The following GRXCR1 variants were observed in gnomAD, a reference collection of about 807,000 sequenced individuals.
GRXCR1 encodes the protein glutaredoxin and cysteine rich domain containing 1.
In GRXCR1, 27 loss-of-function variants were observed where a neutral mutation model predicts 27.3. The ratio of observed to expected loss-of-function variants is 0.99; its 90% CI spans 0.73 to 1.37. The LOEUF is 1.37. Among genes scored for constraint, GRXCR1 ranks in the 40% most tolerant of loss-of-function variants. GRXCR1 has a pLI of 0.00. For missense variants in GRXCR1, 379 were observed against 354.4 expected (o/e 1.07, Z -0.56); for synonymous variants, 122 against 131.1 (o/e 0.93, Z 0.47).
chr4:42,948,091 C>T (rs994444442), intron 1 of GRXCR1, among the ~76,000 whole-genome samples: 1 of 152,120 alleles, frequency 6.6e-6, no homozygotes, highest in Non-Finnish European at 1.5e-5. Context: ...TATCTAGATT[C>T]CTTTGTGGAG....
chr4:42,929,301 C>T (rs1747246415), intron 1 of GRXCR1, among the ~76,000 whole-genome samples: 1 of 152,002 alleles, frequency 6.6e-6, no homozygotes, highest in Non-Finnish European at 1.5e-5. Context: ...GCAAATGTCC[C>T]CACACAGGAG....
At chr4:43,021,230 C>G (rs1369875783) in intron 3 of GRXCR1, among the ~76,000 whole-genome samples, 2 of 152,184 alleles carry the variant, frequency 1.3e-5, no homozygotes, top group African/African-American at 4.8e-5. Flanking sequence ...TTTCTTACTA[C>G]TATCCCTTTG....
intron 2 of GRXCR1, among the ~76,000 whole-genome samples, chr4:43,015,376 G>A (rs1712899296): frequency 6.6e-6 from 1 of 152,124 alleles, no homozygotes; most frequent in South Asian, 2.1e-4. Context: ...GAGGGAAAAG[G>A]AGCCTGGTTT....
chr4:42,994,282 T>C (rs1712075515), intron 2 of GRXCR1, among the ~76,000 whole-genome samples: 1 of 152,130 alleles, frequency 6.6e-6, no homozygotes, highest in Admixed American at 6.5e-5. Context: ...TCTTTCAAAG[T>C]CTCTCATTGA....
intron 1 of GRXCR1, among the ~76,000 whole-genome samples, chr4:42,897,284 G>C (rs1746367069): frequency 6.6e-6 from 1 of 152,018 alleles, no homozygotes; most frequent in Non-Finnish European, 1.5e-5. Context: ...ATTCTTATGA[G>C]ATTACATTTC....
chr4:42,914,046 T>G (rs1043807544), intron 1 of GRXCR1, among the ~76,000 whole-genome samples: 1 of 152,188 alleles, frequency 6.6e-6, no homozygotes, highest in African/African-American at 2.4e-5. Flanking sequence ...GGCAGAAGTT[T>G]GCTACAGGTG....
chr4:42,916,757 G>A (rs748737655), intron 1 of GRXCR1, among the ~76,000 whole-genome samples: 2 of 151,902 alleles, frequency 1.3e-5, no homozygotes, highest in Non-Finnish European at 2.9e-5. Flanking sequence ...TAATTTGTTG[G>A]GAGATACTTT....
intron 1 of GRXCR1, among the ~76,000 whole-genome samples, chr4:42,921,578 A>G (rs1747011808): frequency 6.6e-6 from 1 of 152,076 alleles, no homozygotes; most frequent in East Asian, 1.9e-4. Context: ...ATACCTGAGT[A>G]TATGTACTCA....
chr4:42,916,136 A>G (rs565553605), intron 1 of GRXCR1, among the ~76,000 whole-genome samples: 1 of 151,990 alleles, frequency 6.6e-6, no homozygotes, highest in African/African-American at 2.4e-5. Context: ...GTGCTTTTGT[A>G]AAACAGAAAG....
chr4:42,959,880 G>A (rs147282414), intron 1 of GRXCR1, among the ~76,000 whole-genome samples: 1 of 151,846 alleles, frequency 6.6e-6, no homozygotes, highest in Non-Finnish European at 1.5e-5. Flanking sequence ...TATGGGCTTG[G>A]TCTAGGATTT....
intron 1 of GRXCR1, among the ~76,000 whole-genome samples, chr4:42,924,897 G>A (rs1359303108): frequency 6.6e-6 from 1 of 151,972 alleles, no homozygotes; most frequent in Non-Finnish European, 1.5e-5. Context: ...AAACTGCCAG[G>A]CTTCCCAAGA....
intron 2 of GRXCR1, among the ~76,000 whole-genome samples, chr4:42,973,380 C>T (rs1267606363): frequency 6.6e-6 from 1 of 152,076 alleles, no homozygotes; most frequent in African/African-American, 2.4e-5. Flanking sequence ...TTTCTAATTT[C>T]CCCAAACAGA....
chr4:42,980,932 G>A (rs1001231617), intron 2 of GRXCR1, among the ~76,000 whole-genome samples: 1 of 150,768 alleles, frequency 6.6e-6, no homozygotes, highest in Non-Finnish European at 1.5e-5. Context: ...CTTTATTGGA[G>A]CATTTGGTTG....
At chr4:42,917,297 G>C (rs1746907136) in intron 1 of GRXCR1, among the ~76,000 whole-genome samples, 1 of 152,126 alleles carries the variant, frequency 6.6e-6, no homozygotes, top group Non-Finnish European at 1.5e-5. Context: ...CTCTGGTGTT[G>C]ATGGCACAAA....
At chr4:42,998,907 G>A (rs1712261675) in intron 2 of GRXCR1, among the ~76,000 whole-genome samples, 1 of 152,134 alleles carries the variant, frequency 6.6e-6, no homozygotes, top group Non-Finnish European at 1.5e-5. Context: ...GCTTTCCCAG[G>A]CATGCAATAC....
intron 1 of GRXCR1, among the ~76,000 whole-genome samples, chr4:42,950,936 T>C (rs1747869380): frequency 1.3e-5 from 2 of 152,272 alleles, no homozygotes; most frequent in South Asian, 4.1e-4. Context: ...TCTCTCTCTC[T>C]ATGTATCCAG....
At chr4:42,949,238 G>A (rs1747822098) in intron 1 of GRXCR1, among the ~76,000 whole-genome samples, 1 of 150,664 alleles carries the variant, frequency 6.6e-6, no homozygotes, top group African/African-American at 2.4e-5. Context: ...GGTGGCCCGT[G>A]CCTATAATCC....
intron 1 of GRXCR1, among the ~76,000 whole-genome samples, chr4:42,933,452 T>C (rs1034442565): frequency 6.6e-6 from 1 of 151,884 alleles, no homozygotes; most frequent in Non-Finnish European, 1.5e-5. Flanking sequence ...AACTGTCATG[T>C]TCAACAATGG....
intron 1 of GRXCR1, among the ~76,000 whole-genome samples, chr4:42,920,598 C>A (rs1746986382): frequency 6.6e-6 from 1 of 152,118 alleles, no homozygotes; most frequent in Non-Finnish European, 1.5e-5. Flanking sequence ...GGTTCTACTG[C>A]AGATCCCAGT....
Sources: gnomAD v4.1 joint callset for allele counts (sites outside exome capture counted in the v4.1 genomes callset) on GRCh38, gnomAD v4.1.1 for gene constraint, MANE v1.5 for transcripts, NCBI Gene and HGNC (gene_info 2026-07-23, HGNC 2026-07-21) for gene names.